Variants in CTNNA3 observed in about 807,000 individuals in gnomAD.
The protein encoded by CTNNA3 is catenin alpha-3.
In CTNNA3, 76 loss-of-function variants were observed where a neutral mutation model predicts 95.7. That is an observed-to-expected ratio of 0.79 (90% CI 0.66 to 0.96). The LOEUF (loss-of-function observed/expected upper bound fraction) is 0.96. CTNNA3 is among the 40% of genes least tolerant of loss of function. The pLI, the probability that CTNNA3 is intolerant of heterozygous loss-of-function variation, is 0.00. For missense variants in CTNNA3, 1,191 were observed against 1,089.8 expected (o/e 1.09, Z -1.31); for synonymous variants, 431 against 374.4 (o/e 1.15, Z -1.74).
At chr10:67,241,867 T>G (rs1278834706) in intron 5 of CTNNA3, among the ~76,000 whole-genome samples, 1 of 152,150 alleles carries the variant, frequency 6.6e-6, no homozygotes, top group East Asian at 1.9e-4. Context: ...AAAGCCAACA[T>G]TTACCAAGCA....
At chr10:66,234,958 T>A in intron 13 of CTNNA3, among the ~76,000 whole-genome samples, 1 of 152,108 alleles carries the variant, frequency 6.6e-6, no homozygotes. Flanking sequence ...GATCAGCACA[T>A]ATGACAAGGA....
intron 17 of CTNNA3, among the ~76,000 whole-genome samples, chr10:65,966,081 G>T (rs866194774): frequency 1.3e-5 from 2 of 151,832 alleles, no homozygotes; most frequent in Non-Finnish European, 2.9e-5. Context: ...AAAACTCAGG[G>T]CCACCAAAGA....
chr10:67,511,176 C>T (rs185929608), intron 5 of CTNNA3, among the ~76,000 whole-genome samples: 150 of 152,204 alleles, frequency 9.9e-4, no homozygotes, highest in African/African-American at 3.4e-3. Context: ...AATTGAATAC[C>T]CTTTACTTCT....
chr10:66,591,650 C>T (rs1564553810), intron 10 of CTNNA3, among the ~76,000 whole-genome samples: 1 of 152,026 alleles, frequency 6.6e-6, no homozygotes. Flanking sequence ...CAGCCCTTTC[C>T]TGTGGTGGAA....
At chr10:66,781,133 C>G in intron 7 of CTNNA3, among the ~76,000 whole-genome samples, 1 of 152,130 alleles carries the variant, frequency 6.6e-6, no homozygotes, top group East Asian at 1.9e-4. Context: ...AAAAATTTAT[C>G]TAATTCATAG....
chr10:67,578,068 A>G (rs12781666), intron 3 of CTNNA3, among the ~76,000 whole-genome samples: 9,506 of 126,434 alleles, frequency 0.075, 639 homozygotes, highest in African/African-American at 0.22. Flanking sequence ...ACTGTGTGGG[A>G]AAAAAAATAA....
At chr10:67,073,266 T>A (rs1416413203) in intron 7 of CTNNA3, among the ~76,000 whole-genome samples, 1 of 152,202 alleles carries the variant, frequency 6.6e-6, no homozygotes, top group African/African-American at 2.4e-5. Flanking sequence ...TAGCTCTGAT[T>A]AGTTTTTAAA....
chr10:66,422,454 A>C (rs2093203544), intron 11 of CTNNA3, among the ~76,000 whole-genome samples: 1 of 152,150 alleles, frequency 6.6e-6, no homozygotes, highest in African/African-American at 2.4e-5. Flanking sequence ...TTCTAACAAA[A>C]GGATATAAAT....
chr10:66,049,159 A>AT (rs1426216369), intron 15 of CTNNA3, among the ~76,000 whole-genome samples: 1 of 152,194 alleles, frequency 6.6e-6, no homozygotes, highest in Non-Finnish European at 1.5e-5. Flanking sequence ...AAGAAGACAC[A>AT]TATCTGGCCA....
At chr10:66,158,087 G>A (rs2084640710) in intron 13 of CTNNA3, among the ~76,000 whole-genome samples, 1 of 151,992 alleles carries the variant, frequency 6.6e-6, no homozygotes, top group Non-Finnish European at 1.5e-5. Context: ...TACAGATTGT[G>A]AAGATTTTCT....
intron 5 of CTNNA3, among the ~76,000 whole-genome samples, chr10:67,503,910 C>T (rs186536331): frequency 3.6e-4 from 54 of 152,084 alleles, no homozygotes; most frequent in African/African-American, 1.3e-3. Context: ...GTAATCCCAG[C>T]ACTTTGGGAG....
intron 5 of CTNNA3, among the ~76,000 whole-genome samples, chr10:67,514,385 T>C (rs1196329309): frequency 6.6e-6 from 1 of 152,218 alleles, no homozygotes; most frequent in African/African-American, 2.4e-5. Flanking sequence ...TAGTATAGCA[T>C]AGCCTCTGTA....
chr10:66,928,396 C>T (rs1344694012), intron 7 of CTNNA3: 2 of 1,614,076 alleles, frequency 1.2e-6, no homozygotes, highest in Non-Finnish European at 1.7e-6. Context: ...CAGCGAGATG[C>T]TGCTGAATGG....
At position 66,335,818 on chromosome 10, in the gene CTNNA3, G is replaced by C. The variant is rs532891521; in HGVS notation, c.1732+43334C>G. 4.8e-3 allele frequency among the ~76,000 whole-genome samples: 732 copies of C among 152,224 alleles called. 7 individuals carry two copies. Among genetic ancestry groups the C allele is most frequent in the Middle Eastern group, 0.017 (5 of 294 alleles). ...GCTGCCTTTTGTTTGGCTATGCCCT[G>C]CCCTCAGAGGTGGAGTCTACAGAGG... is the stretch of plus-strand genomic sequence containing the variant. On this transcript the variant is annotated intron_variant, in intron 12 of 17. Transcript: ENST00000433211.
intron 11 of CTNNA3, among the ~76,000 whole-genome samples, chr10:66,401,137 T>G (rs2093016652): frequency 6.6e-6 from 1 of 152,156 alleles, no homozygotes; most frequent in South Asian, 2.1e-4. Context: ...TCTATAAACT[T>G]AGATATAGTG....
chr10:67,611,236 T>G (rs984080475), intron 2 of CTNNA3, among the ~76,000 whole-genome samples: 1 of 152,112 alleles, frequency 6.6e-6, no homozygotes. Flanking sequence ...ATTAAATTGA[T>G]AAGCTTAATG....
At chr10:67,342,087 T>C (rs1842218346) in intron 5 of CTNNA3, among the ~76,000 whole-genome samples, 1 of 143,374 alleles carries the variant, frequency 7.0e-6, no homozygotes. Flanking sequence ...TTTTAATTTA[T>C]TTATTTTTCT....
intron 1 of CTNNA3, among the ~76,000 whole-genome samples, chr10:67,733,688 A>C (rs1298226112): frequency 6.6e-6 from 1 of 152,248 alleles, no homozygotes; most frequent in Non-Finnish European, 1.5e-5. Flanking sequence ...TACTCACTCC[A>C]CTACAAGTGT....
intron 6 of CTNNA3, among the ~76,000 whole-genome samples, chr10:67,200,701 T>G (rs1863606218): frequency 6.6e-6 from 1 of 152,176 alleles, no homozygotes; most frequent in Non-Finnish European, 1.5e-5. Context: ...CTGCTCAGCC[T>G]ACTGCCCTTT....
Sources: allele counts gnomAD v4.1 joint callset (sites outside exome capture counted in the v4.1 genomes callset), GRCh38; gene constraint gnomAD v4.1.1; transcripts MANE v1.5; gene names NCBI Gene and HGNC (gene_info 2026-07-23, HGNC 2026-07-21).